HTR4: variants seen among roughly 807,000 people sequenced by gnomAD.
HTR4 encodes 5-hydroxytryptamine receptor 4, also known as 5-hydroxytryptamine (serotonin) receptor 4, G protein-coupled.
In HTR4, 16 loss-of-function variants were observed where a neutral mutation model predicts 36.8. The observed-to-expected ratio is 0.43, with a 90% CI of 0.29 to 0.66. The LOEUF is 0.66. Among genes scored for constraint, HTR4 ranks in the 30% least tolerant of loss-of-function variants. The probability of loss-of-function intolerance (pLI) is 0.13; values close to 1 mark genes in which losing one functional copy is unlikely to be tolerated. For missense variants in HTR4, 438 were observed against 490.9 expected (o/e 0.89, Z 1.02); for synonymous variants, 189 against 185.1 (o/e 1.02, Z -0.17).
Position 148,632,664 on chromosome 5 carries a change from T to C in HTR4, c.26+4325A>G, listed in dbSNP as rs114970677. Among the ~76,000 whole-genome samples the C allele has an allele frequency of 8.9e-3, 1,356 of 152,300 alleles. 26 individuals carry two copies. Among genetic ancestry groups the C allele is most frequent in the African/African-American group, 0.031 (1,297 of 41,544 alleles). On this transcript the variant is annotated intron_variant, in intron 2 of 6. Transcript: ENST00000377888. Reference sequence around the variant, plus strand: ...CACCTGTTTATCTCCTGTCTGAACATTGTACTCTCTGGAACTTAAAAAGAA... The same window carrying C: ...CACCTGTTTATCTCCTGTCTGAACACTGTACTCTCTGGAACTTAAAAAGAA...
chr5:148,537,753 A>T (rs1047376055), intron 4 of HTR4, among the ~76,000 whole-genome samples: 2 of 152,144 alleles, frequency 1.3e-5, no homozygotes, highest in African/African-American at 4.8e-5. Flanking sequence ...ACAGCCTACC[A>T]ACCAAGAAAA....
Position 148,481,710 on chromosome 5 carries a change from G to C in HTR4, c.*1493C>G. On this transcript the variant is annotated 3_prime_UTR_variant, in exon 7 of 7. Coordinates refer to ENST00000377888, the MANE Select transcript of HTR4 (RefSeq NM_000870.7). ...AAGAGAATATGATAAATAATCCTGA[G>C]ATGCTATTAAACCACAGCCAAGATC... 6.9e-7 allele frequency: 1 copy of C among 1,452,444 alleles called. No individual in the cohort carries two copies. Among genetic ancestry groups the C allele is most frequent in the Non-Finnish European group, 9.0e-7 (1 of 1,114,744 alleles). 90.0% of individuals were successfully genotyped at this position (1,452,444 alleles called of 1,614,324 possible). A position where few individuals can be genotyped will look rare whatever the true frequency, so the allele number is the denominator to read the frequency against.
chr5:148,647,796 C>A (rs1753917693), intron 1 of HTR4, among the ~76,000 whole-genome samples: 1 of 152,210 alleles, frequency 6.6e-6, no homozygotes, highest in East Asian at 1.9e-4. Flanking sequence ...TTTCAGTGAG[C>A]TGAGATTGCA....
intron 2 of HTR4, among the ~76,000 whole-genome samples, chr5:148,631,995 G>A (rs1438833919): frequency 6.6e-6 from 1 of 151,954 alleles, no homozygotes; most frequent in Non-Finnish European, 1.5e-5. Context: ...AATATTTAGT[G>A]GCTCCCTAGT....
chr5:148,484,307 T>C, intron 6 of HTR4: 2 of 1,613,512 alleles, frequency 1.2e-6, no homozygotes, highest in Middle Eastern at 1.6e-4. Context: ...TCAATGTGCC[T>C]GAGAATGGAC....
intron 4 of HTR4, among the ~76,000 whole-genome samples, chr5:148,541,211 C>A (rs1021068755): frequency 6.6e-6 from 1 of 152,146 alleles, no homozygotes. Context: ...TGAATCTAAG[C>A]AGCCTAGCAC....
chr5:148,520,816 T>C, intron 5 of HTR4: 2 of 1,265,582 alleles, frequency 1.6e-6, no homozygotes, highest in Non-Finnish European at 2.1e-6. Context: ...CAGTTTAAAA[T>C]AAATTGGATA....
At chr5:148,578,889 A>C (rs1761028579) in intron 2 of HTR4, among the ~76,000 whole-genome samples, 1 of 152,086 alleles carries the variant, frequency 6.6e-6, no homozygotes, top group Non-Finnish European at 1.5e-5. Flanking sequence ...GTGTCCTTAC[A>C]CCAAGTCCAA....
At position 148,530,166 on chromosome 5, in the gene HTR4, T is replaced by C. The variant is rs537445853; in HGVS notation, c.354-6820A>G. On this transcript the variant is annotated intron_variant, in intron 4 of 6. Transcript: ENST00000377888. Reference sequence around the variant, plus strand: ...AATAAAATAGAAAAGAAAATCCCATTTTCTGAGGAGAAATTCAAGCTGGCT... The same window carrying C: ...AATAAAATAGAAAAGAAAATCCCATCTTCTGAGGAGAAATTCAAGCTGGCT... Among the ~76,000 whole-genome samples, 6 of 152,280 alleles carry C rather than the reference T, an allele frequency of 3.9e-5. 1 individual carries two copies. Among genetic ancestry groups the C allele is most frequent in the African/African-American group, 1.4e-4 (6 of 41,564 alleles).
At chr5:148,586,742 G>A (rs1761363925) in intron 2 of HTR4, among the ~76,000 whole-genome samples, 1 of 152,158 alleles carries the variant, frequency 6.6e-6, no homozygotes, top group Non-Finnish European at 1.5e-5. Context: ...ATTAACTGAT[G>A]TGTAGACAGG....
chr5:148,456,194 A>T (rs2113686744), intron 5 of HTR4, among the ~76,000 whole-genome samples: 1 of 152,292 alleles, frequency 6.6e-6, no homozygotes, highest in Admixed American at 6.5e-5. Context: ...GGGTTTGAGT[A>T]TTCCCAAGTC....
At chr5:148,491,012 T>A (rs192079400) in intron 6 of HTR4, among the ~76,000 whole-genome samples, 1 of 152,312 alleles carries the variant, frequency 6.6e-6, no homozygotes, top group East Asian at 1.9e-4. Context: ...CGGTATAAGA[T>A]GAAGCTTTTA....
chr5:148,609,320 T>C lies in HTR4; in HGVS notation c.26+27669A>G, dbSNP rs541607635. Among the ~76,000 whole-genome samples the C allele has an allele frequency of 5.9e-5, 9 of 152,300 alleles. 1 individual carries two copies. The highest frequency in any genetic ancestry group is 1.9e-4 in the African/African-American group (8 of 41,566). ...AACATGAGACAAGAGCTGGGTATCT[T>C]CTCTTCCTTCAGTCAACTCAGTTCC... On this transcript the variant is annotated intron_variant, in intron 2 of 6. Transcript: ENST00000377888.
intron 6 of HTR4, among the ~76,000 whole-genome samples, chr5:148,501,704 T>G (rs757763168): frequency 3.3e-5 from 5 of 152,158 alleles, no homozygotes; most frequent in Non-Finnish European, 5.9e-5. Context: ...CTGTATAGGC[T>G]ACCCTTACTC....
At chr5:148,516,652 A>G (rs1430646564) in intron 5 of HTR4, among the ~76,000 whole-genome samples, 2 of 142,816 alleles carry the variant, frequency 1.4e-5, no homozygotes, top group African/African-American at 5.6e-5. Context: ...GATGCTCCTT[A>G]TCTAATTACT....
chr5:148,599,275 ATAT>A (rs1463875049), intron 2 of HTR4, among the ~76,000 whole-genome samples: 1 of 152,186 alleles, frequency 6.6e-6, no homozygotes, highest in Non-Finnish European at 1.5e-5. Flanking sequence ...AAATCAAGAA[ATAT>A]TATGACCGCA....
chr5:148,584,401 T>A (rs1467174262), intron 2 of HTR4, among the ~76,000 whole-genome samples: 1 of 152,154 alleles, frequency 6.6e-6, no homozygotes, highest in Non-Finnish European at 1.5e-5. Flanking sequence ...TGGTGCCTAG[T>A]TTATGACCTC....
In HTR4 at chr5:148,541,342, A is replaced by C. The variant is rs1759107480; in HGVS notation, c.353+7326T>G. ...GCATTCAGTGCTCAGCCAAACATGC[A>C]TGGAACAGCTATTATGTTCCAGAAA... On this transcript the variant is annotated intron_variant, in intron 4 of 6. Coordinates refer to ENST00000377888, the MANE Select transcript of HTR4 (RefSeq NM_000870.7). Among the ~76,000 whole-genome samples the C allele has an allele frequency of 2.6e-5, 4 of 152,356 alleles. No homozygotes were observed. The South Asian group carries it at 6.2e-4, about 24-fold the overall frequency.
At chr5:148,469,935 A>G (rs1755522673) in intron 5 of HTR4, among the ~76,000 whole-genome samples, 1 of 152,180 alleles carries the variant, frequency 6.6e-6, no homozygotes, top group African/African-American at 2.4e-5. Context: ...CATTTCTCCA[A>G]GCTTCATTTT....
Sources: allele counts gnomAD v4.1 joint callset (sites outside exome capture counted in the v4.1 genomes callset), GRCh38; gene constraint gnomAD v4.1.1; transcripts MANE v1.5; gene names NCBI Gene and HGNC (gene_info 2026-07-23, HGNC 2026-07-21).